Variants in LINC00632 observed in about 807,000 individuals in gnomAD.
LINC00632 encodes the protein ALDOA related specific transcript.
chrX:140,783,359 T>TC, exon 5 of LINC00632: 1 of 428,572 alleles, frequency 2.3e-6, no homozygotes, highest in South Asian at 4.5e-5. Context: ...TTCCAGTAAA[T>TC]CAAGTCTTCC....
At chrX:140,725,591 A>G (rs113543570) in intron 2 of LINC00632, among the ~76,000 whole-genome samples, 4,514 of 111,645 alleles carry the variant, frequency 0.04, 220 homozygotes, top group African/African-American at 0.14. Flanking sequence ...GAGCTCTGTA[A>G]CACCCAAACT....
At chrX:140,783,091 A>T (rs1931957626) in exon 5 of LINC00632, 1 of 118,576 alleles carries the variant, frequency 8.4e-6, no homozygotes, top group Non-Finnish European at 1.7e-5. Flanking sequence ...CAGAAATATC[A>T]ATGTCCAGAG....
At chrX:140,770,608 CT>C (rs1403617778) in intron 3 of LINC00632, among the ~76,000 whole-genome samples, 2 of 111,817 alleles carry the variant, frequency 1.8e-5, no homozygotes, top group Admixed American at 1.9e-4. Flanking sequence ...TATCTATTTG[CT>C]TCAGTTCCTC....
chrX:140,771,186 G>A (rs938655117), intron 3 of LINC00632, among the ~76,000 whole-genome samples: 1 of 110,889 alleles, frequency 9.0e-6, no homozygotes, highest in Admixed American at 9.7e-5. Context: ...GAACATATTT[G>A]TATTATCTTA....
At chrX:140,774,697 A>T (rs1277982065) in exon 5 of LINC00632, among the ~76,000 whole-genome samples, 1 of 111,988 alleles carries the variant, frequency 8.9e-6, no homozygotes, top group Non-Finnish European at 1.9e-5. Flanking sequence ...TAATTGCCTG[A>T]TATCCACTCT....
chrX:140,772,214 G>C, exon 4 of LINC00632: 3 of 296,422 alleles, frequency 1.0e-5, no homozygotes, highest in Non-Finnish European at 1.8e-5. Context: ...GGAACGATAT[G>C]CAAGTTCAAG....
chrX:140,724,498 ACACACACACATTCCATACACACACATTC>A (rs1213522923), intron 2 of LINC00632, among the ~76,000 whole-genome samples: 2 of 921 alleles, frequency 2.2e-3, no homozygotes, highest in Non-Finnish European at 4.5e-3. Flanking sequence ...CACATTCCAT[ACACACACACATTCCATACACACACATTC>A]CACACACACA....
At chrX:140,771,398 G>A (rs1018182589) in intron 3 of LINC00632, among the ~76,000 whole-genome samples, 3 of 107,420 alleles carry the variant, frequency 2.8e-5, no homozygotes, top group African/African-American at 1.0e-4. Context: ...AAAATATAAC[G>A]TGGAAAAAGG....
chrX:140,725,097 TAC>T (rs751906675), intron 2 of LINC00632, among the ~76,000 whole-genome samples: 7 of 20,132 alleles, frequency 3.5e-4, no homozygotes, highest in Middle Eastern at 0.04. Flanking sequence ...ACACATTTGA[TAC>T]ACACACACAT....
At chrX:140,785,523 G>T (rs1286802278) in exon 5 of LINC00632, among the ~76,000 whole-genome samples, 6 of 112,262 alleles carry the variant, frequency 5.3e-5, no homozygotes. Flanking sequence ...AAGGTTGATT[G>T]CTTCCACATT....
intron 3 of LINC00632, among the ~76,000 whole-genome samples, chrX:140,744,579 T>C (rs113793525): frequency 3.8e-3 from 43 of 11,237 alleles, no homozygotes; most frequent in African/African-American, 9.7e-3. Context: ...GGGGGGGGGG[T>C]GGGGGGAGGA....
At chrX:140,759,344 CCTTT>C (rs1188901479) in intron 3 of LINC00632, among the ~76,000 whole-genome samples, 925 of 22,920 alleles carry the variant, frequency 0.04, 15 homozygotes, top group African/African-American at 0.066. Flanking sequence ...TTCCTTCCTT[CCTTT>C]CTTTCTTTCT....
At chrX:140,777,246 ATG>A (rs1426594555) in exon 5 of LINC00632, among the ~76,000 whole-genome samples, 1 of 112,101 alleles carries the variant, frequency 8.9e-6, no homozygotes, top group East Asian at 2.8e-4. Flanking sequence ...ACCATGGCAC[ATG>A]TATACCTATG....
exon 4 of LINC00632, among the ~76,000 whole-genome samples, chrX:140,773,632 G>A (rs1156735031): frequency 8.9e-6 from 1 of 111,806 alleles, no homozygotes; most frequent in Non-Finnish European, 1.9e-5. Context: ...GAAGTGTTTT[G>A]TTCTGAGGTT....
intron 3 of LINC00632, among the ~76,000 whole-genome samples, chrX:140,746,492 T>C (rs1931328762): frequency 8.9e-6 from 1 of 112,267 alleles, no homozygotes; most frequent in East Asian, 2.8e-4. Flanking sequence ...GAAAATGTGA[T>C]TTGGCAGATT....
At chrX:140,724,183 A>C (rs1277950084) in intron 2 of LINC00632, among the ~76,000 whole-genome samples, 1 of 67,791 alleles carries the variant, frequency 1.5e-5, no homozygotes, top group Non-Finnish European at 3.0e-5. Context: ...ACACAGACAC[A>C]TTCTGTACAC....
exon 4 of LINC00632, chrX:140,772,774 A>C (rs1018155933): frequency 9.5e-5 from 11 of 115,775 alleles, no homozygotes; most frequent in African/African-American, 1.3e-4. Flanking sequence ...AGAGATTTGC[A>C]CTTGTGGCTT....
exon 5 of LINC00632, chrX:140,783,360 CAA>C: frequency 2.3e-6 from 1 of 431,546 alleles, no homozygotes; most frequent in Non-Finnish European, 4.1e-6. Flanking sequence ...TCCAGTAAAT[CAA>C]GTCTTCCAGC....
At chrX:140,714,884 A>G (rs1733347255) in intron 2 of LINC00632, 1 of 110,469 alleles carries the variant, frequency 9.1e-6, no homozygotes, top group African/African-American at 3.3e-5. Context: ...AAAAAAAACA[A>G]TTACTTGCTC....
Sources: gnomAD v4.1 joint callset for allele counts (sites outside exome capture counted in the v4.1 genomes callset) on GRCh38, gnomAD v4.1.1 for gene constraint, MANE v1.5 for transcripts, NCBI Gene and HGNC (gene_info 2026-07-23, HGNC 2026-07-21) for gene names.